The following CDH6 variants were observed in gnomAD, a reference collection of about 807,000 sequenced individuals.
CDH6 encodes the protein cadherin 6, also known as cadherin-6.
A neutral mutation model predicts 78.0 loss-of-function variants in CDH6; 31 were observed. The observed-to-expected ratio is 0.40, with a 90% CI of 0.30 to 0.54. CDH6 has a LOEUF of 0.54. Among genes scored for constraint, CDH6 ranks in the 20% least tolerant of loss-of-function variants. The probability of loss-of-function intolerance (pLI) is 0.56; values close to 1 mark genes in which losing one functional copy is unlikely to be tolerated. For synonymous variants in CDH6, 376 were observed against 368.8 expected, an observed-to-expected ratio of 1.02 and a Z score of -0.23; for missense variants, 724 against 975.9, an observed-to-expected ratio of 0.74 and a Z score of 3.44.
chr5:31,319,551 G>A (rs1738422208), intron 11 of CDH6, among the ~76,000 whole-genome samples: 1 of 152,316 alleles, frequency 6.6e-6, no homozygotes, highest in East Asian at 1.9e-4. Context: ...TGTCTAACAC[G>A]TGGTAAAACT....
At chr5:31,286,294 G>A (rs764587163) in intron 2 of CDH6, among the ~76,000 whole-genome samples, 1 of 152,166 alleles carries the variant, frequency 6.6e-6, no homozygotes, top group Non-Finnish European at 1.5e-5. Flanking sequence ...ACAATAGAAT[G>A]TGCTGATGGC....
intron 2 of CDH6, among the ~76,000 whole-genome samples, chr5:31,290,032 A>G (rs369925206): frequency 1.3e-5 from 2 of 152,108 alleles, no homozygotes; most frequent in Non-Finnish European, 2.9e-5. Flanking sequence ...CAAGGCGGAC[A>G]GATCACTTGA....
intron 2 of CDH6, among the ~76,000 whole-genome samples, chr5:31,270,652 G>A (rs879323441): frequency 2.6e-5 from 4 of 152,038 alleles, no homozygotes; most frequent in Admixed American, 1.3e-4. Flanking sequence ...CAGAGGTCAC[G>A]TGCTGCTTAT....
intron 1 of CDH6, among the ~76,000 whole-genome samples, chr5:31,234,027 G>T (rs1433414951): frequency 2.8e-5 from 4 of 143,748 alleles, no homozygotes; most frequent in African/African-American, 7.8e-5. Flanking sequence ...GAAAAATTGT[G>T]ATAATAGTCT....
chr5:31,314,665 T>G (rs1047736372), intron 8 of CDH6, among the ~76,000 whole-genome samples: 9 of 152,088 alleles, frequency 5.9e-5, no homozygotes, highest in African/African-American at 1.2e-4. Flanking sequence ...TTAATTTATG[T>G]TATGGGACTG....
At chr5:31,220,535 A>G (rs1209092883) in intron 1 of CDH6, among the ~76,000 whole-genome samples, 1 of 152,184 alleles carries the variant, frequency 6.6e-6, no homozygotes, top group Non-Finnish European at 1.5e-5. Context: ...CTAGGTGCTA[A>G]GTATACATAG....
intron 2 of CDH6, 84 bp downstream of exon 2, chr5:31,267,785 C>G (rs1742404324): frequency 1.0e-6 from 1 of 990,642 alleles, no homozygotes; most frequent in African/African-American, 1.6e-5. Flanking sequence ...AGGATGTGTA[C>G]TATTCCCCAA....
At chr5:31,278,090 C>T (rs1247843099) in intron 2 of CDH6, among the ~76,000 whole-genome samples, 1 of 152,094 alleles carries the variant, frequency 6.6e-6, no homozygotes, top group Non-Finnish European at 1.5e-5. Flanking sequence ...ACTATAGTCT[C>T]CATGTTGACA....
chr5:31,297,451 T>C (rs769101671), intron 4 of CDH6, 43 bp downstream of exon 4: 1 of 1,453,434 alleles, frequency 6.9e-7, no homozygotes, highest in Admixed American at 2.0e-5. Flanking sequence ...ATAATTTTAA[T>C]TGACATGCTC....
intron 2 of CDH6, among the ~76,000 whole-genome samples, chr5:31,282,975 C>T (rs574968463): frequency 2.2e-4 from 34 of 152,064 alleles, no homozygotes; most frequent in African/African-American, 7.5e-4. Context: ...ACAAAGTACA[C>T]ATTGATAAGA....
chr5:31,239,546 C>G (rs1183425344), intron 1 of CDH6, among the ~76,000 whole-genome samples: 2 of 152,112 alleles, frequency 1.3e-5, no homozygotes, highest in Non-Finnish European at 2.9e-5. Flanking sequence ...AAAGAAGCAT[C>G]CCTAGAAGCA....
At position 31,313,185 on chromosome 5, in the gene CDH6, A is replaced by C. The variant is rs112752433; in HGVS notation, c.1254-133A>C. ...TCAGGTTGTAGATATTCAAATATGC[A>C]CTAGAGATGGAAAAAAATTTATGCC... On this transcript the variant is annotated intron_variant, in intron 7 of 11. Coordinates refer to ENST00000265071, the MANE Select transcript of CDH6 (RefSeq NM_004932.4). 5.6e-4 allele frequency: 373 copies of C among 671,844 alleles called. No homozygotes were observed. The African/African-American group carries it at 5.9e-3, about 11-fold the overall frequency. 41.6% of individuals were successfully genotyped at this position (671,844 alleles called of 1,614,324 possible).
chr5:31,250,141 T>G (rs1387100192), intron 1 of CDH6: 1 of 152,186 alleles, frequency 6.6e-6, no homozygotes, highest in African/African-American at 2.4e-5. Context: ...CCTCTCAGAG[T>G]CCAGAACTCA....
At position 31,299,611 on chromosome 5, in the gene CDH6, A is replaced by G; in HGVS notation, c.791A>G (p.Asn264Ser). ...VNITLTDVND[N>S]PPRFPQSTYQ... ...ATCACACTGACTGATGTCAACGACA[A>G]CCCTCCCCGATTCCCCCAGAGTAGG... The change falls in exon 5 of 12, where the codon AAC becomes AGC. Residue 264 changes from asparagine to serine, a missense_variant. This residue lies in a region of CDH6 where 446 missense variants were observed against 684.5 expected (regional missense o/e 0.65). Transcript: ENST00000265071. 7 of 1,613,442 alleles carry G rather than the reference A, an allele frequency of 4.3e-6. No individual in the cohort carries two copies. Among genetic ancestry groups the G allele is most frequent in the Non-Finnish European group, 5.9e-6 (7 of 1,179,516 alleles).
intron 2 of CDH6, among the ~76,000 whole-genome samples, chr5:31,290,614 T>G (rs1260871362): frequency 6.6e-6 from 1 of 152,180 alleles, no homozygotes; most frequent in Non-Finnish European, 1.5e-5. Context: ...AAACCCCTAA[T>G]GTCTGATTTT....
chr5:31,304,182 AC>A (rs1184319128), intron 6 of CDH6, among the ~76,000 whole-genome samples: 117 of 146,088 alleles, frequency 8.0e-4, no homozygotes, highest in South Asian at 2.2e-3. Flanking sequence ...AACAACAACA[AC>A]AAAAAAAAAA....
chr5:31,221,412 C>T (rs566009059), intron 1 of CDH6, among the ~76,000 whole-genome samples: 41 of 152,276 alleles, frequency 2.7e-4, no homozygotes, highest in Middle Eastern at 6.8e-3. Flanking sequence ...AGAATTAACA[C>T]GCAACAGCTC....
chr5:31,253,165 A>T (rs1309807196), intron 1 of CDH6, among the ~76,000 whole-genome samples: 1 of 152,172 alleles, frequency 6.6e-6, no homozygotes, highest in South Asian at 2.1e-4. Context: ...CAGGGATCTC[A>T]TATGGTTTGG....
chr5:31,215,226 T>C (rs1173336386), intron 1 of CDH6, among the ~76,000 whole-genome samples: 1 of 152,186 alleles, frequency 6.6e-6, no homozygotes, highest in African/African-American at 2.4e-5. Flanking sequence ...GCTGTAGGTA[T>C]GAATACTATT....
Sources: gnomAD v4.1 joint callset for allele counts (sites outside exome capture counted in the v4.1 genomes callset) on GRCh38, gnomAD v4.1.1 for gene constraint, gnomAD v4.1.1 regional missense constraint, MANE v1.5 for transcripts, NCBI Gene and HGNC (gene_info 2026-07-23, HGNC 2026-07-21) for gene names.